Variants in CHODL observed in about 807,000 individuals in gnomAD.
CHODL encodes the protein chondrolectin.
A neutral mutation model predicts 34.5 loss-of-function variants in CHODL; 29 were observed. The observed-to-expected ratio is 0.84, with a 90% CI of 0.63 to 1.15. The LOEUF (loss-of-function observed/expected upper bound fraction) is 1.15. CHODL is among the 50% of genes most tolerant of loss of function. CHODL has a pLI of 0.00. For synonymous variants in CHODL, 125 were observed against 116.1 expected (o/e 1.08, Z -0.49); for missense variants, 332 against 332.5 (o/e 1.00, Z 0.01).
intron 2 of CHODL, among the ~76,000 whole-genome samples, chr21:18,096,547 T>G (rs987399595): frequency 2.0e-5 from 3 of 152,130 alleles, no homozygotes; most frequent in South Asian, 2.1e-4. Flanking sequence ...TGGTTGAAGA[T>G]AAGGGATGAA....
At chr21:18,111,057 A>G (rs1265582651) in intron 2 of CHODL, among the ~76,000 whole-genome samples, 1 of 152,182 alleles carries the variant, frequency 6.6e-6, no homozygotes, top group African/African-American at 2.4e-5. Flanking sequence ...ATTAGAGTGT[A>G]ATATTCTAGA....
chr21:18,022,936 T>C (rs1464654124), intron 1 of CHODL, among the ~76,000 whole-genome samples: 4 of 152,088 alleles, frequency 2.6e-5, no homozygotes, highest in Non-Finnish European at 5.9e-5. Context: ...CCACTCCTCT[T>C]AAGAGATAAG....
At chr21:17,945,608 T>C (rs2063400838) in intron 1 of CHODL, among the ~76,000 whole-genome samples, 1 of 152,126 alleles carries the variant, frequency 6.6e-6, no homozygotes, top group Admixed American at 6.5e-5. Context: ...ATTATGGAAT[T>C]CAATCAAGAA....
At chr21:18,251,890 T>C (rs1355179794) in intron 1 of CHODL, among the ~76,000 whole-genome samples, 2 of 151,134 alleles carry the variant, frequency 1.3e-5, no homozygotes, top group African/African-American at 2.4e-5. Context: ...CATTTACCTA[T>C]GTAATAAACC....
chr21:18,221,403 T>C (rs2073882374), intron 2 of CHODL, among the ~76,000 whole-genome samples: 1 of 152,190 alleles, frequency 6.6e-6, no homozygotes, highest in African/African-American at 2.4e-5. Context: ...CTTTAGGATT[T>C]CTTACTGAAA....
At chr21:18,140,964 A>G (rs1344742181) in intron 2 of CHODL, among the ~76,000 whole-genome samples, 4 of 152,040 alleles carry the variant, frequency 2.6e-5, no homozygotes, top group Non-Finnish European at 5.9e-5. Flanking sequence ...TTCATGTTAG[A>G]TATCTACATT....
At chr21:18,033,800 CAACAT>C (rs2064276611) in intron 2 of CHODL, among the ~76,000 whole-genome samples, 1 of 151,938 alleles carries the variant, frequency 6.6e-6, no homozygotes, top group South Asian at 2.1e-4. Flanking sequence ...GGAAAGAACT[CAACAT>C]AAGGGAAGAG....
intron 2 of CHODL, among the ~76,000 whole-genome samples, chr21:18,143,328 C>T (rs1211286115): frequency 6.6e-6 from 1 of 152,124 alleles, no homozygotes; most frequent in Non-Finnish European, 1.5e-5. Flanking sequence ...TTCTTTAAAT[C>T]CAATATTTCT....
chr21:18,198,705 G>T (rs985445593), intron 2 of CHODL, among the ~76,000 whole-genome samples: 20 of 151,966 alleles, frequency 1.3e-4, no homozygotes, highest in Non-Finnish European at 2.7e-4. Context: ...TCCAGGATGT[G>T]CCCATTATAT....
chr21:18,087,517 T>C (rs2065022223), intron 2 of CHODL, among the ~76,000 whole-genome samples: 2 of 152,132 alleles, frequency 1.3e-5, no homozygotes, highest in South Asian at 2.1e-4. Context: ...CGGCAGCCCA[T>C]TGCAGGGCAG....
At chr21:18,241,304 A>G (rs1206707818), upstream of CHODL, among the ~76,000 whole-genome samples, 1 of 152,008 alleles carries the variant, frequency 6.6e-6, no homozygotes, top group East Asian at 1.9e-4. Flanking sequence ...TAATGATTTT[A>G]CTTTTAAACT....
At chr21:17,985,999 A>C (rs1029210453) in intron 1 of CHODL, among the ~76,000 whole-genome samples, 2 of 152,144 alleles carry the variant, frequency 1.3e-5, no homozygotes, top group Non-Finnish European at 2.9e-5. Flanking sequence ...TTCTACCTTC[A>C]TGACCTAATT....
intron 1 of CHODL, among the ~76,000 whole-genome samples, chr21:18,009,841 T>A (rs931165023): frequency 7.1e-6 from 1 of 141,496 alleles, no homozygotes; most frequent in East Asian, 2.1e-4. Flanking sequence ...TGAGCTGAGA[T>A]CGAGCCACTG....
At chr21:18,060,447 C>T (rs113723331) in intron 2 of CHODL, among the ~76,000 whole-genome samples, 6,172 of 144,680 alleles carry the variant, frequency 0.043, 379 homozygotes, top group African/African-American at 0.16. Flanking sequence ...GAGACTCTGT[C>T]TCAAATAAAT....
At chr21:18,230,078 T>C (rs1056330979) in intron 2 of CHODL, among the ~76,000 whole-genome samples, 3 of 152,098 alleles carry the variant, frequency 2.0e-5, no homozygotes, top group African/African-American at 7.2e-5. Flanking sequence ...ATTAAGTAGG[T>C]TGTAGTTGTG....
intron 2 of CHODL, among the ~76,000 whole-genome samples, chr21:18,038,159 T>A (rs1312062925): frequency 6.6e-6 from 1 of 151,722 alleles, no homozygotes; most frequent in Non-Finnish European, 1.5e-5. Flanking sequence ...TCTTTAGTAC[T>A]AAATGTCATA....
At chr21:17,961,329 G>A (rs200801) in intron 1 of CHODL, among the ~76,000 whole-genome samples, 69,520 of 152,040 alleles carry the variant, frequency 0.46, 16,539 homozygotes, top group Middle Eastern at 0.58. Flanking sequence ...AGTTTGGCCC[G>A]CAGTGAGCAT....
At chr21:17,985,086 T>C (rs2063743044) in intron 1 of CHODL, among the ~76,000 whole-genome samples, 1 of 152,164 alleles carries the variant, frequency 6.6e-6, no homozygotes, top group Non-Finnish European at 1.5e-5. Context: ...GAAAAATTCT[T>C]ATTCAGATTT....
chr21:17,994,697 C>T (rs2063831308), intron 1 of CHODL, among the ~76,000 whole-genome samples: 1 of 152,034 alleles, frequency 6.6e-6, no homozygotes, highest in South Asian at 2.1e-4. Flanking sequence ...GTGGCAGTGG[C>T]AGGTGGGACA....
Sources: gnomAD v4.1 joint callset for allele counts (sites outside exome capture counted in the v4.1 genomes callset) on GRCh38, gnomAD v4.1.1 for gene constraint, MANE v1.5 for transcripts, NCBI Gene and HGNC (gene_info 2026-07-23, HGNC 2026-07-21) for gene names.